Variants in ZBTB37 observed in about 807,000 individuals in gnomAD.
ZBTB37 encodes the protein zinc finger and BTB domain containing 37.
A neutral mutation model predicts 37.7 loss-of-function variants in ZBTB37; 15 were observed. The ratio of observed to expected loss-of-function variants is 0.40; its 90% confidence interval spans 0.27 to 0.61. The LOEUF is 0.61. Ranked by LOEUF, ZBTB37 falls within the 20% of genes least tolerant of loss-of-function variation. The probability of loss-of-function intolerance (pLI) is 0.44; values close to 1 mark genes in which losing one functional copy is unlikely to be tolerated. For synonymous variants in ZBTB37, 231 were observed against 220.6 expected (o/e 1.05, Z -0.42); for missense variants, 514 against 641.9 (o/e 0.80, Z 2.15).
intron 4 of ZBTB37, among the ~76,000 whole-genome samples, chr1:173,884,850 AC>A (rs1483936674): frequency 6.6e-6 from 1 of 152,228 alleles, no homozygotes; most frequent in Non-Finnish European, 1.5e-5. Context: ...TGTAAAAATT[AC>A]TCAGTTGTAT....
exon 5 of ZBTB37, chr1:173,886,499 C>G (rs1029623328): frequency 5.9e-6 from 1 of 170,206 alleles, no homozygotes; most frequent in African/African-American, 2.4e-5. Flanking sequence ...CTATAATTGC[C>G]CGGATCTAAA....
exon 5 of ZBTB37, chr1:173,885,836 G>A: frequency 6.4e-7 from 1 of 1,551,850 alleles, no homozygotes; most frequent in South Asian, 1.2e-5. Context: ...TGTGTGGCAA[G>A]AAGTATACCC....
intron 4 of ZBTB37, among the ~76,000 whole-genome samples, chr1:173,875,293 A>G (rs1341574708): frequency 6.7e-6 from 1 of 149,364 alleles, no homozygotes; most frequent in Non-Finnish European, 1.5e-5. Context: ...AATTTGTAGC[A>G]TTTTATTTAT....
At chr1:173,898,254 A>C (rs1657126656) in exon 4 of ZBTB37, 1 of 151,992 alleles carries the variant, frequency 6.6e-6, no homozygotes, top group African/African-American at 2.4e-5. Context: ...TGATGTCAGG[A>C]GTTCGAGACC....
At chr1:173,890,230 A>C (rs1165377372), downstream of ZBTB37, 1 of 152,242 alleles carries the variant, frequency 6.6e-6, no homozygotes, top group Non-Finnish European at 1.5e-5. Context: ...TTTAGCTGTT[A>C]CTTGACATTA....
exon 5 of ZBTB37, chr1:173,886,008 C>T: frequency 6.4e-7 from 1 of 1,551,756 alleles, no homozygotes; most frequent in Non-Finnish European, 8.7e-7. Context: ...CAGCATCTCC[C>T]CTGAAACAAC....
chr1:173,879,383 G>A (rs553586113), intron 4 of ZBTB37, among the ~76,000 whole-genome samples: 18 of 152,228 alleles, frequency 1.2e-4, no homozygotes, highest in African/African-American at 2.4e-4. Flanking sequence ...ATGTATATGC[G>A]TGGGTGTGTA....
chr1:173,894,293 A>G (rs1364962795), exon 4 of ZBTB37: 3 of 152,124 alleles, frequency 2.0e-5, no homozygotes, highest in Non-Finnish European at 4.4e-5. Context: ...ACCATTTCCT[A>G]TATCATGGTT....
At chr1:173,870,270 C>T (rs1655458461) in exon 3 of ZBTB37, 1 of 1,613,910 alleles carries the variant, frequency 6.2e-7, no homozygotes, top group African/African-American at 1.3e-5. Flanking sequence ...CTGACTTCAG[C>T]AACTCTGTCC....
intron 4 of ZBTB37, among the ~76,000 whole-genome samples, chr1:173,875,998 G>A (rs1303522750): frequency 6.6e-6 from 1 of 152,086 alleles, no homozygotes; most frequent in African/African-American, 2.4e-5. Flanking sequence ...TTCATGTACT[G>A]TATCTTGTCA....
chr1:173,881,825 C>T (rs1360582118), intron 4 of ZBTB37, among the ~76,000 whole-genome samples: 5 of 152,146 alleles, frequency 3.3e-5, no homozygotes, highest in East Asian at 3.9e-4. Flanking sequence ...GAGGCCGAGG[C>T]GGGCGGATCA....
chr1:173,894,299 T>G (rs1312548183), exon 4 of ZBTB37: 1 of 152,172 alleles, frequency 6.6e-6, no homozygotes. Flanking sequence ...TCCTATATCA[T>G]GGTTTTGTGA....
chr1:173,890,100 G>T (rs903645478), downstream of ZBTB37: 7 of 152,162 alleles, frequency 4.6e-5, no homozygotes, highest in Admixed American at 4.6e-4. Context: ...CTGGGCTCAA[G>T]TGGTCCTCCT....
At chr1:173,873,387 A>G in intron 3 of ZBTB37, 80 bp from the exon 4 acceptor site, 2 of 1,432,104 alleles carry the variant, frequency 1.4e-6, no homozygotes, top group African/African-American at 1.4e-5. Flanking sequence ...GCCATAGAAT[A>G]AAGAGGGGCG....
downstream of ZBTB37, chr1:173,890,155 C>T (rs1027922711): frequency 6.6e-6 from 1 of 152,170 alleles, no homozygotes; most frequent in African/African-American, 2.4e-5. Context: ...TGTGACCACA[C>T]CTGGCTGTAA....
intron 4 of ZBTB37, among the ~76,000 whole-genome samples, chr1:173,882,072 A>G (rs1466227401): frequency 6.6e-6 from 1 of 151,538 alleles, no homozygotes; most frequent in Non-Finnish European, 1.5e-5. Context: ...AAAGAGAAGT[A>G]TCTATTCATA....
At chr1:173,891,775 C>G (rs908937842) in exon 4 of ZBTB37, 1 of 151,970 alleles carries the variant, frequency 6.6e-6, no homozygotes, top group Non-Finnish European at 1.5e-5. Context: ...AAAAAAAAAT[C>G]CTTGCAAGAA....
chr1:173,886,292 AG>A, exon 5 of ZBTB37: 1 of 1,072,950 alleles, frequency 9.3e-7, no homozygotes, highest in Non-Finnish European at 1.3e-6. Context: ...AAAGCACTAA[AG>A]GCTCCTCCCT....
exon 4 of ZBTB37, chr1:173,903,210 G>C (rs1380046291): frequency 1.3e-5 from 2 of 152,302 alleles, no homozygotes; most frequent in African/African-American, 2.4e-5. Context: ...TGGTGGGGTT[G>C]CATGTCTCCT....
Sources: allele counts gnomAD v4.1 joint callset (sites outside exome capture counted in the v4.1 genomes callset), GRCh38; gene constraint gnomAD v4.1.1; transcripts MANE v1.5; gene names NCBI Gene and HGNC (gene_info 2026-07-23, HGNC 2026-07-21).